TRPM3: variants seen among roughly 807,000 people sequenced by gnomAD.
TRPM3 encodes the protein transient receptor potential cation channel subfamily M member 3, also known as long transient receptor potential channel 3.
In TRPM3, 77 loss-of-function variants were observed where a neutral mutation model predicts 181.2. The observed-to-expected ratio is 0.42, with a 90% confidence interval of 0.35 to 0.51. The LOEUF is 0.51. Ranked by LOEUF, TRPM3 falls within the 20% of genes least tolerant of loss-of-function variation. The pLI is 0.01. For synonymous variants in TRPM3, 745 were observed against 796.4 expected, an observed-to-expected ratio of 0.94 and a Z score of 1.09; for missense variants, 1,759 against 2,196.7, an observed-to-expected ratio of 0.80 and a Z score of 3.98.
chr9:71,044,773 G>T (rs941041006), intron 1 of TRPM3, among the ~76,000 whole-genome samples: 1 of 152,036 alleles, frequency 6.6e-6, no homozygotes, highest in Non-Finnish European at 1.5e-5. Context: ...CCGGGTTCAC[G>T]CCATTCTCCT....
chr9:71,047,758 T>G (rs78104094), intron 1 of TRPM3, among the ~76,000 whole-genome samples: 1 of 151,910 alleles, frequency 6.6e-6, no homozygotes, highest in African/African-American at 2.4e-5. Context: ...TAGGTACATA[T>G]GCAATTGCCA....
At chr9:71,372,386 C>T (rs766311138) in intron 1 of TRPM3, among the ~76,000 whole-genome samples, 35 of 152,092 alleles carry the variant, frequency 2.3e-4, no homozygotes, top group Admixed American at 4.6e-4. Flanking sequence ...TTTCTACCTC[C>T]ATGCCTTTCA....
intron 24 of TRPM3, among the ~76,000 whole-genome samples, chr9:70,550,365 A>G (rs773572565): frequency 6.6e-6 from 1 of 152,234 alleles, no homozygotes; most frequent in African/African-American, 2.4e-5. Flanking sequence ...TGAAACAAGA[A>G]AGCACAAAAG....
intron 8 of TRPM3, among the ~76,000 whole-genome samples, chr9:70,753,257 GA>G (rs1398330867): frequency 1.3e-5 from 2 of 151,758 alleles, no homozygotes; most frequent in African/African-American, 2.4e-5. Context: ...CAAAAAAAGT[GA>G]AAAAACAAGC....
At chr9:70,602,623 T>C (rs948783560) in intron 20 of TRPM3, among the ~76,000 whole-genome samples, 1 of 152,190 alleles carries the variant, frequency 6.6e-6, no homozygotes, top group African/African-American at 2.4e-5. Flanking sequence ...TGGTGAACAT[T>C]GAGTGGGGCT....
At chr9:71,307,700 T>G (rs987685384) in intron 1 of TRPM3, among the ~76,000 whole-genome samples, 2 of 152,162 alleles carry the variant, frequency 1.3e-5, no homozygotes, top group Non-Finnish European at 2.9e-5. Context: ...TTGGATGTAC[T>G]AACATATGAT....
intron 1 of TRPM3, among the ~76,000 whole-genome samples, chr9:71,340,131 G>A (rs2090854550): frequency 6.6e-6 from 1 of 152,116 alleles, no homozygotes; most frequent in Admixed American, 6.6e-5. Flanking sequence ...GCAACTATAC[G>A]CATGCCAGGG....
At chr9:70,974,343 G>T (rs149208553) in intron 1 of TRPM3, among the ~76,000 whole-genome samples, 13,451 of 104,610 alleles carry the variant, frequency 0.13, 20 homozygotes, top group East Asian at 0.17. Context: ...ATCGAGACCA[G>T]CCTGGCTAAC....
At position 71,414,557 on chromosome 9, in the gene TRPM3, A is replaced by T. The variant is rs573892591; in HGVS notation, c.183+32096T>A. ...ATACAGTAATCACATGTGGGTCAAA[A>T]AAATGTAACATGTAATAGACACAGT... On this transcript the variant is annotated intron_variant, in intron 1 of 24. Coordinates refer to the TRPM3 transcript ENST00000357533. 9.2e-5 allele frequency among the ~76,000 whole-genome samples: 14 copies of T among 152,242 alleles called. No homozygotes were observed. In the South Asian group the frequency reaches 1.7e-3, roughly 18 times the overall value.
At chr9:70,928,800 G>T (rs2096746568) in intron 1 of TRPM3, among the ~76,000 whole-genome samples, 1 of 152,184 alleles carries the variant, frequency 6.6e-6, no homozygotes, top group Non-Finnish European at 1.5e-5. Context: ...ACTCATGAGA[G>T]GCCTGGCTGA....
chr9:71,343,107 G>C (rs1273168708), intron 1 of TRPM3, among the ~76,000 whole-genome samples: 4 of 152,074 alleles, frequency 2.6e-5, no homozygotes, highest in East Asian at 3.9e-4. Flanking sequence ...GGGAAGGGAG[G>C]GGGGTAAAAG....
chr9:71,300,185 A>G (rs1039549867), intron 1 of TRPM3, among the ~76,000 whole-genome samples: 3 of 152,150 alleles, frequency 2.0e-5, no homozygotes, highest in South Asian at 2.1e-4. Flanking sequence ...AACCAAAGAA[A>G]CAGTAACCTT....
At chr9:70,552,772 TC>T in intron 24 of TRPM3, 71 bp downstream of exon 24, 1 of 1,529,352 alleles carries the variant, frequency 6.5e-7, no homozygotes, top group Non-Finnish European at 9.0e-7. Flanking sequence ...GGCATGCGAT[TC>T]TGCGTGATTG....
In TRPM3 at chr9:71,357,629, A is replaced by G. The variant is rs542834811; in HGVS notation, c.183+89024T>C. On this transcript the variant is annotated intron_variant, in intron 1 of 24. Coordinates refer to the TRPM3 transcript ENST00000357533. ...ACTGTCTGTGGTCATGTGACACACCAAAATTAACTAGCCTTATTTGAAATA... is the reference window on the plus strand; with the variant it reads ...ACTGTCTGTGGTCATGTGACACACCGAAATTAACTAGCCTTATTTGAAATA... Among the ~76,000 whole-genome samples, 3 of 152,204 alleles carry G rather than the reference A, an allele frequency of 2.0e-5. No individual in the cohort carries two copies. In the South Asian group the frequency reaches 6.2e-4, roughly 32 times the overall value.
At chr9:71,054,396 T>C (rs976826031) in intron 1 of TRPM3, among the ~76,000 whole-genome samples, 1 of 152,092 alleles carries the variant, frequency 6.6e-6, no homozygotes, top group African/African-American at 2.4e-5. Context: ...AGGTATGAAC[T>C]CATAAAGTTC....
chr9:71,095,758 C>CAAAAAAAAA (rs34934062), intron 1 of TRPM3, among the ~76,000 whole-genome samples: 2 of 85,088 alleles, frequency 2.4e-5, no homozygotes, highest in African/African-American at 8.7e-5. Context: ...GACTCTGTGT[C>CAAAAAAAAA]AAAAAAAAAA....
chr9:71,286,223 A>G (rs2132235514), intron 1 of TRPM3, among the ~76,000 whole-genome samples: 1 of 152,318 alleles, frequency 6.6e-6, no homozygotes, highest in African/African-American at 2.4e-5. Context: ...TTTCCCAATC[A>G]ACTTGTTGAT....
chr9:71,195,288 G>C (rs2078277440), intron 1 of TRPM3, among the ~76,000 whole-genome samples: 3 of 151,978 alleles, frequency 2.0e-5, no homozygotes, highest in Non-Finnish European at 2.9e-5. Context: ...CTAGCATCTA[G>C]AAGGAACTTA....
At chr9:70,863,995 T>G (rs901952168) in intron 2 of TRPM3, among the ~76,000 whole-genome samples, 3 of 152,042 alleles carry the variant, frequency 2.0e-5, no homozygotes, top group African/African-American at 4.8e-5. Flanking sequence ...GGAAGGTAAG[T>G]AGGGTGCTAA....
Sources: gnomAD v4.1 joint callset for allele counts (sites outside exome capture counted in the v4.1 genomes callset) on GRCh38, gnomAD v4.1.1 for gene constraint, MANE v1.5 for transcripts, NCBI Gene and HGNC (gene_info 2026-07-23, HGNC 2026-07-21) for gene names.